Variants in STK32B observed in about 807,000 individuals in gnomAD.
STK32B encodes serine/threonine kinase 32B, also known as serine/threonine-protein kinase 32B.
STK32B carries 43 observed loss-of-function variants against 52.6 expected under a neutral mutation model. The observed-to-expected ratio is 0.82, with a 90% CI of 0.64 to 1.05. The LOEUF (loss-of-function observed/expected upper bound fraction) is 1.05, where lower values mean the gene tolerates loss of function less well. STK32B is among the 50% of genes least tolerant of loss of function. STK32B has a pLI of 0.00. For synonymous variants in STK32B, 238 were observed against 204.3 expected (o/e 1.17, Z -1.41); for missense variants, 621 against 534.6 (o/e 1.16, Z -1.59).
intron 3 of STK32B, among the ~76,000 whole-genome samples, chr4:5,173,805 A>T (rs983753463): frequency 1.3e-5 from 2 of 152,230 alleles, no homozygotes; most frequent in Non-Finnish European, 1.5e-5. Flanking sequence ...AGAGTTCTGT[A>T]GATGTCTATT....
intron 4 of STK32B, among the ~76,000 whole-genome samples, chr4:5,377,021 C>T (rs182528797): frequency 6.6e-6 from 1 of 152,264 alleles, no homozygotes; most frequent in East Asian, 1.9e-4. Flanking sequence ...AAGGGTCCGA[C>T]TGCTACACCC....
chr4:5,337,759 A>G (rs1732803037), intron 4 of STK32B, among the ~76,000 whole-genome samples: 1 of 152,340 alleles, frequency 6.6e-6, no homozygotes, highest in East Asian at 1.9e-4. Context: ...AGGGAAGGAA[A>G]ACGTTGTACA....
intron 2 of STK32B, among the ~76,000 whole-genome samples, chr4:5,161,323 A>T (rs2108726276): frequency 6.6e-6 from 1 of 152,206 alleles, no homozygotes; most frequent in East Asian, 1.9e-4. Context: ...AGCAAGGGAC[A>T]AAAAACCTGC....
chr4:5,403,360 G>A (rs942746105), intron 5 of STK32B, among the ~76,000 whole-genome samples: 2 of 152,164 alleles, frequency 1.3e-5, no homozygotes, highest in South Asian at 2.1e-4. Context: ...TCAATCATAA[G>A]TCTGCTAACC....
intron 3 of STK32B, among the ~76,000 whole-genome samples, chr4:5,238,896 A>G (rs1724813051): frequency 6.6e-6 from 1 of 152,244 alleles, no homozygotes; most frequent in Non-Finnish European, 1.5e-5. Flanking sequence ...AACAATTTAA[A>G]AGTAATACAT....
chr4:5,270,478 G>A (rs1207336056), intron 3 of STK32B, among the ~76,000 whole-genome samples: 1 of 152,082 alleles, frequency 6.6e-6, no homozygotes, highest in Non-Finnish European at 1.5e-5. Flanking sequence ...CTCAAAGGCA[G>A]ATCTCCTTTG....
At position 5,416,883 on chromosome 4, in the gene STK32B, G is replaced by C; in HGVS notation, c.511G>C (p.Val171Leu). 1 of 1,613,994 alleles carries C rather than the reference G, an allele frequency of 6.2e-7. No individual in the cohort carries two copies. Among genetic ancestry groups the C allele is most frequent in the South Asian group, 1.1e-5 (1 of 90,992 alleles). Residue 171 changes from valine to leucine, a missense_variant, in exon 6 of 12, where the codon GTG becomes CTG. Physicochemically the swap from Val to Leu is conservative, Grantham distance 32. Transcript: ENST00000282908. Reference protein sequence around the residue: ...HITDFNIATVVKGAERASSMA... With the variant: ...HITDFNIATVLKGAERASSMA... ...TACAGACTTCAACATAGCGACGGTA[G>C]TGAAAGGAGCAGAAAGGGCTTCCTC...
chr4:5,426,883 G>A (rs529324563), intron 6 of STK32B: 2 of 151,538 alleles, frequency 1.3e-5, no homozygotes, highest in African/African-American at 2.4e-5. Flanking sequence ...ATTTTTATTT[G>A]TTTTACTATT....
At chr4:5,429,364 T>C (rs1165249520) in intron 6 of STK32B, among the ~76,000 whole-genome samples, 1 of 152,160 alleles carries the variant, frequency 6.6e-6, no homozygotes, top group East Asian at 1.9e-4. Flanking sequence ...TCTTTGTTCC[T>C]CTTTTTCTTC....
At chr4:5,285,294 TC>T (rs1728474970) in intron 3 of STK32B, among the ~76,000 whole-genome samples, 1 of 152,098 alleles carries the variant, frequency 6.6e-6, no homozygotes, top group Non-Finnish European at 1.5e-5. Context: ...ATGCCTTTAA[TC>T]CCCATGTTGT....
chr4:5,366,369 A>T (rs1009575898), intron 4 of STK32B, among the ~76,000 whole-genome samples: 8 of 152,238 alleles, frequency 5.3e-5, no homozygotes, highest in Admixed American at 1.3e-4. Flanking sequence ...GGAAAAATTA[A>T]AACAGAGTGG....
At chr4:5,205,709 T>C (rs62298540) in intron 3 of STK32B, among the ~76,000 whole-genome samples, 77,092 of 146,434 alleles carry the variant, frequency 0.53, 19,930 homozygotes, top group East Asian at 0.63. Context: ...CGCGCGTGTG[T>C]GTGTGTGTGT....
At chr4:5,299,415 A>AT (rs1348915375) in intron 3 of STK32B, among the ~76,000 whole-genome samples, 7 of 144,354 alleles carry the variant, frequency 4.8e-5, no homozygotes, top group Non-Finnish European at 8.8e-5. Context: ...GAGGTCTTAC[A>AT]TTTTTTTAAT....
chr4:5,255,231 G>A (rs186913300), intron 3 of STK32B, among the ~76,000 whole-genome samples: 57 of 152,206 alleles, frequency 3.7e-4, no homozygotes, highest in African/African-American at 1.3e-3. Flanking sequence ...GCTTGTTCAG[G>A]GTTTTGGGGG....
At chr4:5,158,634 C>T (rs994649267) in intron 2 of STK32B, among the ~76,000 whole-genome samples, 1 of 152,170 alleles carries the variant, frequency 6.6e-6, no homozygotes, top group Non-Finnish European at 1.5e-5. Context: ...GGCGGAACAA[C>T]AAAACTGATT....
chr4:5,244,791 G>C (rs912027154), intron 3 of STK32B, among the ~76,000 whole-genome samples: 1 of 152,112 alleles, frequency 6.6e-6, no homozygotes, highest in East Asian at 1.9e-4. Context: ...TGTTCTCACT[G>C]GTTTCAAAGA....
At chr4:5,204,412 GT>G (rs1722400179) in intron 3 of STK32B, among the ~76,000 whole-genome samples, 1 of 151,790 alleles carries the variant, frequency 6.6e-6, no homozygotes, top group South Asian at 2.1e-4. Context: ...TTGTTTGTTT[GT>G]TTTTGTTTTT....
At chr4:5,318,260 T>C (rs987033336) in intron 3 of STK32B, among the ~76,000 whole-genome samples, 1 of 151,854 alleles carries the variant, frequency 6.6e-6, no homozygotes, top group Non-Finnish European at 1.5e-5. Context: ...TTAGAAAAAA[T>C]TTTAGGAAGT....
intron 1 of STK32B, among the ~76,000 whole-genome samples, chr4:5,078,204 T>C (rs970916862): frequency 4.6e-5 from 7 of 152,134 alleles, no homozygotes; most frequent in African/African-American, 1.7e-4. Context: ...TTGTAGCTCA[T>C]TGGTCAAAAG....
Sources: gnomAD v4.1 joint callset for allele counts (sites outside exome capture counted in the v4.1 genomes callset) on GRCh38, gnomAD v4.1.1 for gene constraint, MANE v1.5 for transcripts, NCBI Gene and HGNC (gene_info 2026-07-23, HGNC 2026-07-21) for gene names.